The following PCARE variants were observed in gnomAD, a reference collection of about 807,000 sequenced individuals.
PCARE encodes the protein photoreceptor cilium actin regulator, also known as uncharacterized protein C2orf71.
PCARE carries 72 observed loss-of-function variants against 82.2 expected under a neutral mutation model. The observed-to-expected ratio is 0.88, with a 90% CI of 0.72 to 1.07. The LOEUF (loss-of-function observed/expected upper bound fraction) is 1.07, where lower values mean the gene tolerates loss of function less well. Ranked by LOEUF, PCARE falls within the 50% of genes least tolerant of loss-of-function variation. PCARE has a pLI of 0.00. For synonymous variants in PCARE, 705 were observed against 634.8 expected, an observed-to-expected ratio of 1.11 and a Z score of -1.66; for missense variants, 1,768 against 1,592.4, an observed-to-expected ratio of 1.11 and a Z score of -1.88.
rs763949473 is a variant in PCARE, at chr2:29,072,295, C to A, written c.1967G>T (p.Arg656Met). The change falls in exon 1 of 2, where the codon AGG becomes ATG. Residue 656 changes from arginine to methionine, a missense_variant. Arg to Met is a moderately conservative substitution (Grantham distance 91). Transcript: ENST00000331664. ...AAAVWPNGTC[R>M]VSPSNTTSRL... ...GCTGGTGGTGTTGCTTGGACTGACC[C>A]TGCAGGTGCCATTGGGCCACACGGC... is the stretch of plus-strand genomic sequence containing the variant. The A allele has an allele frequency of 6.2e-7, 1 of 1,614,234 alleles. No individual in the cohort carries two copies. The highest frequency in any genetic ancestry group is 8.5e-7 in the Non-Finnish European group (1 of 1,180,040).
At chr2:29,068,566 A>T (rs1168260228) in intron 1 of PCARE, among the ~76,000 whole-genome samples, 2 of 152,194 alleles carry the variant, frequency 1.3e-5, no homozygotes, top group Non-Finnish European at 2.9e-5. Flanking sequence ...AGGTTGGGAA[A>T]AGGCACATTT....
rs202166083 is a variant in PCARE, at chr2:29,072,487, G to A, written c.1775C>T (p.Thr592Met). The change falls in exon 1 of 2, where the codon ACG becomes ATG. Residue 592 changes from threonine (T) to methionine (M), a missense_variant. Coordinates refer to ENST00000331664, the MANE Select transcript of PCARE (RefSeq NM_001029883.3). ...SGSRRAPERQ[T>M]RSQSESCLQS... ...GAGACACGACTCTGACTGGGACCTC[G>A]TCTGCCTCTCAGGGGCCCTCCTGCT... 90 of 1,614,216 alleles carry A rather than the reference G, an allele frequency of 5.6e-5. No homozygotes were observed. In the East Asian group the frequency reaches 1.2e-3, roughly 22 times the overall value.
At position 29,073,868 on chromosome 2, in the gene PCARE, C is replaced by T. The variant is rs765433632; in HGVS notation, c.394G>A (p.Asp132Asn). The change falls in exon 1 of 2, where the codon GAT becomes AAT. Residue 132 changes from aspartate to asparagine, a missense_variant. Physicochemically the swap from Asp to Asn is conservative, Grantham distance 23 (BLOSUM62 1). Coordinates refer to ENST00000331664, the MANE Select transcript of PCARE (RefSeq NM_001029883.3). ...HGSQGADFSG[D>N]ESEESSTQDT... ...TGGGTACTACTTTCCTCACTCTCAT[C>T]TCCAGAAAAGTCTGCCCCTTGTGAT... 6.2e-7 allele frequency: 1 copy of T among 1,614,258 alleles called. No individual in the cohort carries two copies. The highest frequency in any genetic ancestry group is 8.5e-7 in the Non-Finnish European group (1 of 1,180,050).
In PCARE at chr2:29,071,907, T is replaced by G; in HGVS notation, c.2355A>C (p.Pro785=). The G allele has an allele frequency of 2.5e-6, 4 of 1,614,220 alleles. No homozygotes were observed. Among genetic ancestry groups the G allele is most frequent in the Non-Finnish European group, 3.4e-6 (4 of 1,180,038 alleles). ...TTTTGAGAGATTCTCTGCCTGATGC[T>G]GGAGAAATTTGGGGCTTCGGATACA... is the stretch of plus-strand genomic sequence containing the variant. ...APLYPKPQIS[P]ASGRESLKMG... is the part of the protein sequence containing the mutation. Residue 785 remains proline, a synonymous_variant, in exon 1 of 2, where the codon CCA becomes CCC. Coordinates refer to ENST00000331664, the MANE Select transcript of PCARE (RefSeq NM_001029883.3).
Position 29,072,810 on chromosome 2 carries a change from G to A in PCARE, c.1452C>T (p.Ser484=), listed in dbSNP as rs13385188. 444,616 of 1,613,810 alleles carry A rather than the reference G, an allele frequency of 0.28. 63,720 individuals carry two copies. Among genetic ancestry groups the A allele is most frequent in the East Asian group, 0.43 (19,464 of 44,846 alleles). Reference sequence around the variant, plus strand: ...CCTCCTCCTCTGGGCTGCTGTCCTCGCTGTCACTAAGAGATGAAGCGTCCA... The same window carrying A: ...CCTCCTCCTCTGGGCTGCTGTCCTCACTGTCACTAAGAGATGAAGCGTCCA... The part of the protein sequence containing the change: ...RPMDASSLSD[S]EDSSPEEEEE... The change falls in exon 1 of 2, where the codon AGC becomes AGT. Residue 484 remains serine, a synonymous_variant. Coordinates refer to ENST00000331664, the MANE Select transcript of PCARE (RefSeq NM_001029883.3).
At chr2:29,066,679 C>G (rs1409637942) in intron 1 of PCARE, among the ~76,000 whole-genome samples, 1 of 152,250 alleles carries the variant, frequency 6.6e-6, no homozygotes, top group African/African-American at 2.4e-5. Flanking sequence ...AGGAAGGAAC[C>G]CAACTCACTG....
chr2:29,069,742 T>C (rs1388693688), intron 1 of PCARE, among the ~76,000 whole-genome samples: 2 of 152,200 alleles, frequency 1.3e-5, no homozygotes, highest in African/African-American at 4.8e-5. Context: ...GAGTATATTA[T>C]TTGTGTTAAC....
rs1001296482 is a variant in PCARE at position 29,074,392 on chromosome 2, T to C, written c.-131A>G. On this transcript the variant is annotated 5_prime_UTR_variant, in exon 1 of 2. Transcript: ENST00000331664. Reference sequence around the variant, plus strand: ...GGCCAGAATTCTTTGAAGTCCATGGTACAATATCCTAAACTTGGAACCAGC... The same window carrying C: ...GGCCAGAATTCTTTGAAGTCCATGGCACAATATCCTAAACTTGGAACCAGC... The C allele has an allele frequency of 1.1e-6, 1 of 912,930 alleles. No individual in the cohort carries two copies. The highest frequency in any genetic ancestry group is 1.7e-5 in the African/African-American group (1 of 59,998). The allele number at this position is 912,930 out of a possible 1,614,324, so 56.6% of individuals were successfully genotyped here.
Position 29,070,676 on chromosome 2 carries a change from C to T in PCARE, c.3586G>A (p.Asp1196Asn). 3.1e-6 allele frequency: 5 copies of T among 1,614,130 alleles called. No individual in the cohort carries two copies. The highest frequency in any genetic ancestry group is 1.1e-5 in the South Asian group (1 of 91,070). ...TGCGGTCGGCCACCTGGCTGGCGGT[C>T]AGAAGCTGTCCTCCTGAGGAAAGGC... The part of the protein sequence containing the change: ...PLPFLRRTAS[D>N]RQPGGRPQPP... The change falls in exon 1 of 2, where the codon GAC (aspartate) becomes AAC (asparagine). Residue 1196 changes from aspartate (D) to asparagine (N), a missense_variant. Coordinates refer to ENST00000331664, the MANE Select transcript of PCARE (RefSeq NM_001029883.3).
At position 29,072,967 on chromosome 2, in the gene PCARE, C is replaced by T. The variant is rs1352551903; in HGVS notation, c.1295G>A (p.Ser432Asn). 6.8e-6 allele frequency: 11 copies of T among 1,614,120 alleles called. No individual in the cohort carries two copies. Among genetic ancestry groups the T allele is most frequent in the Non-Finnish European group, 9.3e-6 (11 of 1,180,012 alleles). The change falls in exon 1 of 2, where the codon AGC becomes AAC. Residue 432 changes from serine to asparagine, a missense_variant. Transcript: ENST00000331664. ...TGGGCTTGTACTGGAGAGGCATGGG[C>T]TCCTTGCTTCGTCCTGTGCTCGTGG... is the stretch of plus-strand genomic sequence containing the variant. ...VQPRAQDEARSPCLSSTSPEN... is the reference protein window; with the variant it reads ...VQPRAQDEARNPCLSSTSPEN...
At position 29,064,846 on chromosome 2, in the gene PCARE, A is replaced by G. The variant is rs1263208953; in HGVS notation, c.*23T>C. On this transcript the variant is annotated 3_prime_UTR_variant, in exon 2 of 2. Transcript: ENST00000331664. ...CTTGGCCTTCTGGGGTGACTGCGTG[A>G]GTGTGGCCCCCTCGTCAGCCTGTCA... The G allele has an allele frequency of 6.2e-7, 1 of 1,609,052 alleles. No homozygotes were observed. Among genetic ancestry groups the G allele is most frequent in the Non-Finnish European group, 8.5e-7 (1 of 1,179,904 alleles).
intron 1 of PCARE, among the ~76,000 whole-genome samples, chr2:29,070,107 TA>T (rs1667446537): frequency 6.6e-6 from 1 of 151,866 alleles, no homozygotes; most frequent in African/African-American, 2.4e-5. Context: ...TTTTTTGAGA[TA>T]TATATATATA....
At chr2:29,067,179 G>T (rs966274911) in intron 1 of PCARE, among the ~76,000 whole-genome samples, 4 of 152,216 alleles carry the variant, frequency 2.6e-5, no homozygotes, top group African/African-American at 9.6e-5. Flanking sequence ...CGTGCTTGGG[G>T]AAACAGCCCG....
At chr2:29,068,107 A>G (rs1460437024) in intron 1 of PCARE, among the ~76,000 whole-genome samples, 41 of 152,240 alleles carry the variant, frequency 2.7e-4, no homozygotes, top group Admixed American at 2.7e-3. Flanking sequence ...AAATCTAATA[A>G]CTGAATAAGT....
Position 29,064,637 on chromosome 2 carries a change from G to C in PCARE, c.*232C>G. 1 of 603,910 alleles carries C rather than the reference G, an allele frequency of 1.7e-6. No homozygotes were observed. Among genetic ancestry groups the C allele is most frequent in the Non-Finnish European group, 2.9e-6 (1 of 339,332 alleles). 37.4% of individuals were successfully genotyped at this position (603,910 alleles called of 1,614,324 possible). Reference sequence around the variant, plus strand: ...GAAGCATTAAATACTGTCATTGTGGGGTCTAAAAGTTCTGGTTAACCTTTG... The same window carrying C: ...GAAGCATTAAATACTGTCATTGTGGCGTCTAAAAGTTCTGGTTAACCTTTG... On this transcript the variant is annotated 3_prime_UTR_variant, in exon 2 of 2. Transcript: ENST00000331664.
Position 29,064,771 on chromosome 2 carries a change from G to C in PCARE, c.*98C>G. The stretch of plus-strand genomic sequence containing the variant: ...GCCTTTCCAGGACACCTCAGTAGGA[G>C]TTTGGTTTGCCCATCATCTCTGGGT... On this transcript the variant is annotated 3_prime_UTR_variant, in exon 2 of 2. Transcript: ENST00000331664. 2 of 1,514,754 alleles carry C rather than the reference G, an allele frequency of 1.3e-6. No individual in the cohort carries two copies. Among genetic ancestry groups the C allele is most frequent in the Non-Finnish European group, 1.8e-6 (2 of 1,111,340 alleles). 93.8% of individuals were successfully genotyped at this position (1,514,754 alleles called of 1,614,324 possible). A position where few individuals can be genotyped will look rare whatever the true frequency, so the allele number is the denominator to read the frequency against.
intron 1 of PCARE, among the ~76,000 whole-genome samples, chr2:29,069,768 AT>A (rs548958413): frequency 1.3e-3 from 193 of 152,360 alleles, no homozygotes; most frequent in Middle Eastern, 3.4e-3. Flanking sequence ...TTTTAAAAAA[AT>A]AATAAATATT....
intron 1 of PCARE, among the ~76,000 whole-genome samples, chr2:29,067,343 T>A (rs1572823546): frequency 6.6e-6 from 1 of 152,180 alleles, no homozygotes; most frequent in Admixed American, 6.5e-5. Flanking sequence ...TTACAGCAGG[T>A]GCACTTCTGC....
chr2:29,064,777 T>C lies in PCARE; in HGVS notation c.*92A>G. ...CCAGGACACCTCAGTAGGAGTTTGG[T>C]TTGCCCATCATCTCTGGGTCAGGCT... On this transcript the variant is annotated 3_prime_UTR_variant, in exon 2 of 2. Transcript: ENST00000331664. 6.5e-7 allele frequency: 1 copy of C among 1,547,012 alleles called. No individual in the cohort carries two copies. The highest frequency in any genetic ancestry group is 8.8e-7 in the Non-Finnish European group (1 of 1,138,758).
Sources: allele counts gnomAD v4.1 joint callset (sites outside exome capture counted in the v4.1 genomes callset), GRCh38; gene constraint gnomAD v4.1.1; transcripts MANE v1.5; gene names NCBI Gene and HGNC (gene_info 2026-07-23, HGNC 2026-07-21).